The following LY9 variants were observed in gnomAD, a reference collection of about 807,000 sequenced individuals.
LY9 encodes lymphocyte antigen 9, also known as T-lymphocyte surface antigen Ly-9.
Under a neutral mutation model 64.6 loss-of-function variants are expected in LY9, and 59 were observed. That is an observed-to-expected ratio of 0.91 (90% confidence interval 0.74 to 1.13). The LOEUF (loss-of-function observed/expected upper bound fraction) is 1.13, where lower values mean the gene tolerates loss of function less well. Among genes scored for constraint, LY9 ranks in the 50% most tolerant of loss-of-function variants. LY9 has a pLI of 0.00. For synonymous variants in LY9, 281 were observed against 308.5 expected (o/e 0.91, Z 0.93); for missense variants, 789 against 797.2 (o/e 0.99, Z 0.12).
At chr1:160,807,697 G>A (rs1667107315) in intron 2 of LY9, among the ~76,000 whole-genome samples, 1 of 152,116 alleles carries the variant, frequency 6.6e-6, no homozygotes, top group African/African-American at 2.4e-5. Context: ...GGCTGCAATG[G>A]CCTGGGCAGA....
At chr1:160,813,484 T>C in intron 2 of LY9, 152 bp from the exon 3 acceptor site, 1 of 683,068 alleles carries the variant, frequency 1.5e-6, no homozygotes, top group Non-Finnish European at 2.4e-6. Flanking sequence ...GGAGAGGCTG[T>C]CAACCCAGCC....
At chr1:160,800,331 T>C in intron 2 of LY9, 2 of 406,866 alleles carry the variant, frequency 4.9e-6, no homozygotes, top group South Asian at 3.3e-5. Context: ...CTCTTCATCA[T>C]CCCCCCACCA....
At position 160,823,612 on chromosome 1, in the gene LY9, G is replaced by A. The variant is rs1353379262; in HGVS notation, c.1646G>A (p.Arg549Lys). The A allele has an allele frequency of 6.2e-7, 1 of 1,614,068 alleles. No homozygotes were observed. Among genetic ancestry groups the A allele is most frequent in the East Asian group, 2.2e-5 (1 of 44,894 alleles). ...CTCACAACTGAGGAGGATGAGGACAGGCCTGAGGTGCACAAGCCCATCAGT... is the reference window on the plus strand; with the variant it reads ...CTCACAACTGAGGAGGATGAGGACAAGCCTGAGGTGCACAAGCCCATCAGT... ...SNLTTEEDED[R>K]PEVHKPISGR... The change falls in exon 8 of 10, where the codon AGG becomes AAG. Residue 549 changes from arginine (R) to lysine (K), a missense_variant. By Grantham distance (26) the Arg-to-Lys change is conservative. Transcript: ENST00000263285.
At chr1:160,807,831 C>G (rs766188448) in intron 2 of LY9, among the ~76,000 whole-genome samples, 14 of 152,078 alleles carry the variant, frequency 9.2e-5, no homozygotes, top group Non-Finnish European at 1.9e-4. Flanking sequence ...TGGGCAATCC[C>G]CAAGATGCTG....
rs1256751892 is a variant in LY9, at chr1:160,813,423, C to G, written c.455-213C>G. 4 of 589,208 alleles carry G rather than the reference C, an allele frequency of 6.8e-6. No individual in the cohort carries two copies. In the Admixed American group the frequency reaches 9.1e-5, roughly 13 times the overall value. 36.5% of individuals were successfully genotyped at this position (589,208 alleles called of 1,614,324 possible). A position where few individuals can be genotyped will look rare whatever the true frequency, so the allele number is the denominator to read the frequency against. ...AGAGAGAAGTAATCAGACTATTAGT[C>G]ATGCTGAGTCATGGTGATAACACCT... On this transcript the variant is annotated intron_variant, in intron 2 of 9. Transcript: ENST00000263285.
intron 2 of LY9, chr1:160,802,093 G>A (rs185246322): frequency 2.2e-6 from 3 of 1,379,738 alleles, no homozygotes; most frequent in Non-Finnish European, 2.8e-6. Flanking sequence ...CCCATGGCAC[G>A]TCGGGAACAC....
intron 6 of LY9, 53 bp from the exon 7 acceptor site, chr1:160,819,257 AGAATAAAAGAC>A: frequency 8.0e-7 from 1 of 1,245,198 alleles, no homozygotes; most frequent in Non-Finnish European, 1.2e-6. Flanking sequence ...TGACTCTCAC[AGAATAAAAGAC>A]ACCTCTCACC....
At chr1:160,825,840 G>T (rs1433515732) in intron 9 of LY9, among the ~76,000 whole-genome samples, 2 of 152,074 alleles carry the variant, frequency 1.3e-5, no homozygotes, top group Non-Finnish European at 2.9e-5. Context: ...AACCCAGGAG[G>T]TGGAGGTTGC....
intron 7 of LY9, among the ~76,000 whole-genome samples, chr1:160,819,893 T>C (rs1668282028): frequency 7.2e-6 from 1 of 139,504 alleles, no homozygotes; most frequent in Non-Finnish European, 1.6e-5. Flanking sequence ...ATCTTGGGCA[T>C]CACCCCAGAA....
intron 9 of LY9, among the ~76,000 whole-genome samples, chr1:160,826,717 C>G (rs1668871757): frequency 6.6e-6 from 1 of 152,202 alleles, no homozygotes; most frequent in African/African-American, 2.4e-5. Context: ...TCAGTAAACA[C>G]TTGTTGGGAT....
In LY9 at chr1:160,797,392, T is replaced by C. The variant is rs148606794; in HGVS notation, c.124+1081T>C. The C allele has an allele frequency of 2.0e-5, 11 of 541,364 alleles. No individual in the cohort carries two copies. In the African/African-American group the frequency reaches 2.3e-4, roughly 11 times the overall value. 33.5% of individuals were successfully genotyped at this position (541,364 alleles called of 1,614,324 possible). ...AGGAGCCTAGACCTCAGAGCTGAGG[T>C]CCAGTCTGACCTCTTTTCACTTTCA... On this transcript the variant is annotated intron_variant, in intron 1 of 9. Coordinates refer to ENST00000263285, the MANE Select transcript of LY9 (RefSeq NM_002348.4).
intron 2 of LY9, chr1:160,801,710 G>C: frequency 9.0e-7 from 1 of 1,111,008 alleles, no homozygotes; most frequent in Non-Finnish European, 1.4e-6. Context: ...TCTTTTAACT[G>C]ATTTTGAGGA....
chr1:160,816,453 C>A, intron 4 of LY9, 141 bp from the exon 5 acceptor site: 1 of 901,096 alleles, frequency 1.1e-6, no homozygotes, highest in Non-Finnish European at 1.7e-6. Context: ...CAGGTATACT[C>A]CAAAATTCCT....
intron 9 of LY9, among the ~76,000 whole-genome samples, chr1:160,826,392 G>T (rs897513203): frequency 1.3e-5 from 2 of 152,140 alleles, no homozygotes; most frequent in Non-Finnish European, 2.9e-5. Context: ...CATATAAGTG[G>T]CCATGCAGTT....
intron 2 of LY9, chr1:160,810,809 G>A (rs1166579231): frequency 6.6e-6 from 1 of 152,152 alleles, no homozygotes; most frequent in Non-Finnish European, 1.5e-5. Flanking sequence ...GATTCACCCT[G>A]AGGCAAAATT....
chr1:160,805,981 T>C (rs1007963635), intron 2 of LY9, among the ~76,000 whole-genome samples: 1 of 150,004 alleles, frequency 6.7e-6, no homozygotes, highest in African/African-American at 2.5e-5. Context: ...GATATAAATA[T>C]AGCTAGCTAT....
chr1:160,814,941 G>C (rs1667827968), intron 4 of LY9, 180 bp downstream of exon 4: 2 of 613,884 alleles, frequency 3.3e-6, no homozygotes, highest in South Asian at 4.0e-5. Context: ...ATGACTAGCT[G>C]CTGGACAAGT....
chr1:160,801,857 C>T (rs767770111), intron 2 of LY9: 9 of 1,614,170 alleles, frequency 5.6e-6, no homozygotes, highest in Admixed American at 5.0e-5. Flanking sequence ...TGGAGGGCAG[C>T]GGCCTGGAGT....
intron 7 of LY9, among the ~76,000 whole-genome samples, chr1:160,819,623 C>G (rs1476554192): frequency 6.6e-6 from 1 of 151,756 alleles, no homozygotes; most frequent in Non-Finnish European, 1.5e-5. Context: ...AACCCTGTCT[C>G]TACTAAAAAT....
Sources: allele counts gnomAD v4.1 joint callset (sites outside exome capture counted in the v4.1 genomes callset), GRCh38; gene constraint gnomAD v4.1.1; transcripts MANE v1.5; gene names NCBI Gene and HGNC (gene_info 2026-07-23, HGNC 2026-07-21).